Variants in PPHLN1 observed in about 807,000 individuals in gnomAD.
The protein encoded by PPHLN1 is periphilin-1.
A neutral mutation model predicts 51.3 loss-of-function variants in PPHLN1; 29 were observed. That is an observed-to-expected ratio of 0.57 (90% CI 0.42 to 0.77). The LOEUF is 0.77. Among genes scored for constraint, PPHLN1 ranks in the 30% least tolerant of loss-of-function variants. The pLI is 0.00. For missense variants in PPHLN1, 436 were observed against 438.4 expected (o/e 0.99, Z 0.05); for synonymous variants, 147 against 147.8 (o/e 0.99, Z 0.04).
At chr12:42,396,763 C>T (rs1172546043) in intron 8 of PPHLN1, among the ~76,000 whole-genome samples, 2 of 150,492 alleles carry the variant, frequency 1.3e-5, no homozygotes, top group Admixed American at 1.3e-4. Flanking sequence ...GCCCTCCAGG[C>T]TGGGTGACAG....
chr12:42,349,569 T>C (rs980842773), intron 2 of PPHLN1, among the ~76,000 whole-genome samples: 1 of 152,144 alleles, frequency 6.6e-6, no homozygotes, highest in African/African-American at 2.4e-5. Flanking sequence ...CCGCAGTGTT[T>C]GTGTCCCTGG....
chr12:42,359,007 TTC>T (rs1413847756), intron 4 of PPHLN1, among the ~76,000 whole-genome samples: 12 of 152,340 alleles, frequency 7.9e-5, no homozygotes, highest in Non-Finnish European at 1.3e-4. Context: ...ATAATTATTT[TTC>T]TTTCTTATTT....
chr12:42,332,677 T>C, intron 1 of PPHLN1: 1 of 1,578,286 alleles, frequency 6.3e-7, no homozygotes, highest in Non-Finnish European at 8.7e-7. Context: ...TTGAAAACGT[T>C]AAATTTGATT....
At chr12:42,442,535 C>A, downstream of PPHLN1, 2 of 1,467,978 alleles carry the variant, frequency 1.4e-6, no homozygotes, top group Non-Finnish European at 1.8e-6. Flanking sequence ...TCCAGCTTAT[C>A]AGGACTGCAC....
chr12:42,413,103 G>A (rs538546707), intron 9 of PPHLN1, among the ~76,000 whole-genome samples: 1 of 152,300 alleles, frequency 6.6e-6, no homozygotes, highest in South Asian at 2.1e-4. Context: ...TTGCTGTACA[G>A]AAGCTTTTTC....
At chr12:42,365,878 C>A (rs1213258108) in intron 4 of PPHLN1, among the ~76,000 whole-genome samples, 1 of 152,060 alleles carries the variant, frequency 6.6e-6, no homozygotes, top group African/African-American at 2.4e-5. Context: ...CTTCAAAGGC[C>A]CTTTTTGATT....
intron 9 of PPHLN1, among the ~76,000 whole-genome samples, chr12:42,414,295 A>G (rs921384791): frequency 6.6e-6 from 1 of 152,132 alleles, no homozygotes; most frequent in African/African-American, 2.4e-5. Context: ...TCGGCCTCCC[A>G]AAGTGCTGGG....
chr12:42,447,411 A>G (rs953491967), downstream of PPHLN1: 3 of 152,218 alleles, frequency 2.0e-5, no homozygotes, highest in African/African-American at 7.2e-5. Flanking sequence ...TGAAAGAAAC[A>G]AAGCGAATAG....
intron 9 of PPHLN1, among the ~76,000 whole-genome samples, chr12:42,415,113 C>T (rs957643695): frequency 5.3e-5 from 8 of 152,138 alleles, no homozygotes; most frequent in East Asian, 3.9e-4. Context: ...TACTCAAGGG[C>T]GACTGCATGT....
At position 42,387,466 on chromosome 12, in the gene PPHLN1, G is replaced by A; in HGVS notation, c.579G>A (p.Arg193=). Residue 193 remains arginine, a synonymous_variant, in exon 7 of 10, where the codon AGG becomes AGA. Transcript: ENST00000358314. The stretch of plus-strand genomic sequence containing the variant: ...TGTTTTCTTATATAGATAAAGAGAG[G>A]CCTGTCCAGTCTTTGAAAACATCAA... ...NEGNPERDKE[R]PVQSLKTSRD... 6.2e-7 allele frequency: 1 copy of A among 1,611,962 alleles called. No homozygotes were observed. The highest frequency in any genetic ancestry group is 8.5e-7 in the Non-Finnish European group (1 of 1,179,272).
rs1205077188 is a variant in PPHLN1 at position 42,330,704 on chromosome 12, T to TTTTG, written c.-21+4487_-21+4490dup. Among the ~76,000 whole-genome samples, 6 of 152,112 alleles carry TTTTG rather than the reference T, an allele frequency of 3.9e-5. No individual in the cohort carries two copies. The East Asian group carries it at 7.7e-4, about 20-fold the overall frequency. ...ACAATTGTTCAGGGTACAGATCTTT[T>TTTTG]TTTGTTTGTTTGTTTTTGTTTTTGA... is the stretch of plus-strand genomic sequence containing the variant. On this transcript the variant is annotated intron_variant, in intron 1 of 9. Transcript: ENST00000358314.
intron 3 of PPHLN1, among the ~76,000 whole-genome samples, chr12:42,352,629 T>C (rs2138230459): frequency 6.6e-6 from 1 of 151,334 alleles, no homozygotes; most frequent in Non-Finnish European, 1.5e-5. Context: ...AGGCTGGTCT[T>C]GAACTCCTGA....
rs191425244 is a variant in PPHLN1 at position 42,362,407 on chromosome 12, T to G, written c.299+7185T>G. Among the ~76,000 whole-genome samples, 1,397 of 152,362 alleles carry G rather than the reference T, an allele frequency of 9.2e-3. 13 individuals carry two copies. Among genetic ancestry groups the G allele is most frequent in the Non-Finnish European group, 0.012 (800 of 68,036 alleles). On this transcript the variant is annotated intron_variant, in intron 4 of 9. Transcript: ENST00000358314. Reference sequence around the variant, plus strand: ...CAATTTATCTAATTTTTTTCTTTTGTTACTCATGCTTTTGGTGTCATATCT... The same window carrying G: ...CAATTTATCTAATTTTTTTCTTTTGGTACTCATGCTTTTGGTGTCATATCT...
chr12:42,415,154 CATTTTT>C (rs1228598632), intron 9 of PPHLN1, among the ~76,000 whole-genome samples: 3 of 152,084 alleles, frequency 2.0e-5, no homozygotes, highest in Non-Finnish European at 4.4e-5. Flanking sequence ...CAAAATCTGT[CATTTTT>C]ATTTTTGTTT....
At chr12:42,392,572 G>A (rs558493991) in intron 7 of PPHLN1, among the ~76,000 whole-genome samples, 1 of 152,242 alleles carries the variant, frequency 6.6e-6, no homozygotes, top group Non-Finnish European at 1.5e-5. Flanking sequence ...TGTATACCAA[G>A]GAAGTAGAAT....
At chr12:42,417,355 G>T (rs542975957) in intron 9 of PPHLN1, among the ~76,000 whole-genome samples, 1 of 152,132 alleles carries the variant, frequency 6.6e-6, no homozygotes, top group African/African-American at 2.4e-5. Flanking sequence ...CAACATTTTT[G>T]AGGTGGATAG....
intron 9 of PPHLN1, among the ~76,000 whole-genome samples, chr12:42,414,138 G>A (rs1363825143): frequency 2.0e-5 from 3 of 152,066 alleles, no homozygotes; most frequent in Non-Finnish European, 2.9e-5. Context: ...CCTGGGTCAA[G>A]CGATTCTCCT....
chr12:42,399,308 A>G, intron 9 of PPHLN1: 13 of 870,964 alleles, frequency 1.5e-5, no homozygotes, highest in Non-Finnish European at 1.8e-5. Flanking sequence ...ATGTAGCAAA[A>G]TGTTAGCAAA....
At chr12:42,419,088 A>C (rs2080744500) in intron 9 of PPHLN1, among the ~76,000 whole-genome samples, 1 of 152,220 alleles carries the variant, frequency 6.6e-6, no homozygotes, top group Non-Finnish European at 1.5e-5. Flanking sequence ...TGGGGCTTTG[A>C]GTAGGGTTAC....
Sources: allele counts gnomAD v4.1 joint callset (sites outside exome capture counted in the v4.1 genomes callset), GRCh38; gene constraint gnomAD v4.1.1; transcripts MANE v1.5; gene names NCBI Gene and HGNC (gene_info 2026-07-23, HGNC 2026-07-21).